The following GPM6A variants were observed in gnomAD, a reference collection of about 807,000 sequenced individuals.
GPM6A encodes neuronal membrane glycoprotein M6-a.
GPM6A carries 7 observed loss-of-function variants against 32.1 expected under a neutral mutation model. That is an observed-to-expected ratio of 0.22 (90% CI 0.12 to 0.41). The LOEUF (loss-of-function observed/expected upper bound fraction) is 0.41. GPM6A is among the 10% of genes least tolerant of loss of function. GPM6A has a pLI of 1.00. For missense variants in GPM6A, 235 were observed against 347.2 expected, an observed-to-expected ratio of 0.68 and a Z score of 2.57; for synonymous variants, 130 against 123.4, an observed-to-expected ratio of 1.05 and a Z score of -0.35.
intron 1 of GPM6A, among the ~76,000 whole-genome samples, chr4:175,766,901 T>C (rs1732993086): frequency 6.6e-6 from 1 of 152,116 alleles, no homozygotes; most frequent in South Asian, 2.1e-4. Context: ...ATGATCTGCC[T>C]GCCTCGGCCT....
chr4:175,653,428 C>T (rs1047334186), intron 3 of GPM6A, among the ~76,000 whole-genome samples: 5 of 152,144 alleles, frequency 3.3e-5, no homozygotes, highest in South Asian at 2.1e-4. Context: ...CTATGAAATG[C>T]TAATAGTTGG....
chr4:175,830,083 A>G (rs1046060081), intron 1 of GPM6A, among the ~76,000 whole-genome samples: 3 of 152,070 alleles, frequency 2.0e-5, no homozygotes, highest in Admixed American at 6.6e-5. Flanking sequence ...GGACCAGAGA[A>G]AGGAGAGAGA....
In GPM6A at chr4:175,656,347, C is replaced by T. The variant is rs577532459; in HGVS notation, c.388-4360G>A. 2.6e-5 allele frequency among the ~76,000 whole-genome samples: 4 copies of T among 152,206 alleles called. No individual in the cohort carries two copies. The South Asian group carries it at 8.3e-4, about 32-fold the overall frequency. On this transcript the variant is annotated intron_variant, in intron 3 of 6. Transcript: ENST00000393658. ...TTCATCAGAACATGCAAATGTCTGG[C>T]AAAACAAGCATCCTCCTACTATATT...
chr4:175,983,998 CTCTCTCTCTCTG>C (rs1740892357), intron 1 of GPM6A, among the ~76,000 whole-genome samples: 1 of 148,162 alleles, frequency 6.7e-6, no homozygotes, highest in Non-Finnish European at 1.5e-5. Context: ...CTGTCTCTCT[CTCTCTCTCTCTG>C]TCTCTCTCTC....
At chr4:175,731,084 T>C (rs78957513) in intron 1 of GPM6A, among the ~76,000 whole-genome samples, 15 of 152,320 alleles carry the variant, frequency 9.8e-5, no homozygotes, top group Non-Finnish European at 2.2e-4. Context: ...AGACGTTGAA[T>C]ATCAATTTGT....
intron 1 of GPM6A, among the ~76,000 whole-genome samples, chr4:175,973,338 T>C (rs1047214031): frequency 1.3e-5 from 2 of 152,208 alleles, no homozygotes; most frequent in African/African-American, 4.8e-5. Context: ...AAAATGAACT[T>C]CACAAAGCTT....
At chr4:175,663,098 AT>A (rs1221008521) in intron 3 of GPM6A, among the ~76,000 whole-genome samples, 1 of 152,174 alleles carries the variant, frequency 6.6e-6, no homozygotes. Context: ...TCTCTCACAT[AT>A]TTTTTATGGG....
intron 2 of GPM6A, among the ~76,000 whole-genome samples, chr4:175,697,615 G>C (rs936258628): frequency 6.6e-6 from 1 of 151,902 alleles, no homozygotes; most frequent in Non-Finnish European, 1.5e-5. Flanking sequence ...GAAAATTAAG[G>C]GATTAAAAGC....
intron 2 of GPM6A, among the ~76,000 whole-genome samples, chr4:175,699,561 A>G (rs1043662591): frequency 4.6e-5 from 7 of 152,182 alleles, no homozygotes; most frequent in Admixed American, 3.3e-4. Context: ...CTCACTTGAT[A>G]CTACAGAGTT....
intron 1 of GPM6A, among the ~76,000 whole-genome samples, chr4:175,974,039 C>A (rs548702192): frequency 9.2e-5 from 14 of 152,162 alleles, no homozygotes; most frequent in African/African-American, 3.1e-4. Flanking sequence ...TTGAGACCAG[C>A]CTGGTCAACA....
intron 1 of GPM6A, among the ~76,000 whole-genome samples, chr4:175,882,656 A>G (rs1207661165): frequency 6.6e-6 from 1 of 151,926 alleles, no homozygotes; most frequent in African/African-American, 2.4e-5. Context: ...AAATATTCAT[A>G]TATATATAGT....
At chr4:175,791,354 G>A (rs1008200585) in intron 1 of GPM6A, among the ~76,000 whole-genome samples, 1 of 152,138 alleles carries the variant, frequency 6.6e-6, no homozygotes, top group Non-Finnish European at 1.5e-5. Flanking sequence ...CATAGACATG[G>A]AACTCTAGCA....
intron 1 of GPM6A, among the ~76,000 whole-genome samples, chr4:175,907,539 T>C (rs991715727): frequency 7.9e-5 from 12 of 152,124 alleles, no homozygotes; most frequent in African/African-American, 2.9e-4. Flanking sequence ...GTTGAGGACA[T>C]GCTACCCCCA....
chr4:175,656,774 G>C (rs967776005), intron 3 of GPM6A, among the ~76,000 whole-genome samples: 1 of 152,178 alleles, frequency 6.6e-6, no homozygotes, highest in Non-Finnish European at 1.5e-5. Flanking sequence ...AACTTCAGCA[G>C]ATGTGCACCA....
intron 1 of GPM6A, among the ~76,000 whole-genome samples, chr4:175,910,360 C>T (rs563990756): frequency 6.6e-6 from 1 of 152,240 alleles, no homozygotes; most frequent in Non-Finnish European, 1.5e-5. Context: ...AAGCTTTGAA[C>T]CTGCTTTGAA....
chr4:175,757,124 G>A (rs1169384235), intron 1 of GPM6A, among the ~76,000 whole-genome samples: 1 of 152,096 alleles, frequency 6.6e-6, no homozygotes. Context: ...TGTGACAGAG[G>A]TGACAGTGTG....
chr4:175,926,603 A>T (rs569328925), intron 1 of GPM6A, among the ~76,000 whole-genome samples: 1 of 152,212 alleles, frequency 6.6e-6, no homozygotes, highest in Non-Finnish European at 1.5e-5. Flanking sequence ...ATTTTTGTCC[A>T]AGAAAATTAC....
rs140726303 is a variant in GPM6A at position 175,769,259 on chromosome 4, A to G, written c.37+42932T>C. On this transcript the variant is annotated intron_variant, in intron 1 of 6. Transcript: ENST00000393658. ...CTTGACTTTTCAATGAAAGATTTCA[A>G]ATGAGTAGCAATGTGAATATGGATA... 9.2e-3 allele frequency among the ~76,000 whole-genome samples: 1,400 copies of G among 152,300 alleles called. 12 individuals are homozygous for G. The highest frequency in any genetic ancestry group is 0.012 in the Non-Finnish European group (848 of 68,006).
upstream of GPM6A, chr4:175,813,188 G>C (rs981472100): frequency 2.5e-4 from 132 of 530,180 alleles, no homozygotes; most frequent in Non-Finnish European, 3.1e-4. Flanking sequence ...CTCTTGAAAG[G>C]GAATTTCTTT....
Sources: gnomAD v4.1 joint callset for allele counts (sites outside exome capture counted in the v4.1 genomes callset) on GRCh38, gnomAD v4.1.1 for gene constraint, MANE v1.5 for transcripts, NCBI Gene and HGNC (gene_info 2026-07-23, HGNC 2026-07-21) for gene names.